GRID2: variants seen among roughly 807,000 people sequenced by gnomAD.
GRID2 encodes glutamate ionotropic receptor delta type subunit 2.
Under a neutral mutation model 114.8 loss-of-function variants are expected in GRID2, and 33 were observed. The observed-to-expected ratio is 0.29, with a 90% CI of 0.22 to 0.38. GRID2 has a LOEUF of 0.38. GRID2 is among the 10% of genes least tolerant of loss of function. GRID2 has a pLI of 1.00. For missense variants in GRID2, 1,184 were observed against 1,257.7 expected (o/e 0.94, Z 0.89); for synonymous variants, 505 against 449.9 (o/e 1.12, Z -1.55).
At chr4:93,572,146 A>G (rs1245423873) in intron 13 of GRID2, among the ~76,000 whole-genome samples, 1 of 152,134 alleles carries the variant, frequency 6.6e-6, no homozygotes, top group African/African-American at 2.4e-5. Context: ...TTCAGAACTT[A>G]TTCATGTGTC....
chr4:93,207,236 G>T (rs905657944), intron 4 of GRID2, among the ~76,000 whole-genome samples, 168 bp from the exon 5 acceptor site: 8 of 152,138 alleles, frequency 5.3e-5, no homozygotes, highest in Middle Eastern at 3.4e-3. Context: ...TATGTCAAAT[G>T]CAAATGCATC....
chr4:92,644,050 A>G (rs187966345), intron 2 of GRID2, among the ~76,000 whole-genome samples: 1 of 151,900 alleles, frequency 6.6e-6, no homozygotes, highest in Admixed American at 6.6e-5. Context: ...AGAGACAAAA[A>G]TCTACAACTA....
At chr4:92,892,298 T>A (rs1028114554) in intron 2 of GRID2, among the ~76,000 whole-genome samples, 1 of 152,016 alleles carries the variant, frequency 6.6e-6, no homozygotes. Flanking sequence ...TAAACTATTC[T>A]GTTAAAAAAA....
At chr4:93,280,573 CT>C (rs1752545964) in intron 8 of GRID2, among the ~76,000 whole-genome samples, 1 of 151,838 alleles carries the variant, frequency 6.6e-6, no homozygotes, top group East Asian at 1.9e-4. Flanking sequence ...TTTCATAAAT[CT>C]TGGTTTATTA....
chr4:93,657,402 T>C (rs1384129134), intron 14 of GRID2, among the ~76,000 whole-genome samples: 1 of 152,200 alleles, frequency 6.6e-6, no homozygotes, highest in East Asian at 1.9e-4. Context: ...ACCACTGTTA[T>C]AGAGCTTCGG....
intron 2 of GRID2, among the ~76,000 whole-genome samples, chr4:92,858,837 G>A (rs754702342): frequency 2.6e-5 from 4 of 152,140 alleles, no homozygotes; most frequent in Non-Finnish European, 5.9e-5. Context: ...GATTACAGGC[G>A]TGAGCACTGT....
chr4:92,893,222 A>G (rs1420146643), intron 2 of GRID2, among the ~76,000 whole-genome samples: 1 of 152,150 alleles, frequency 6.6e-6, no homozygotes, highest in East Asian at 1.9e-4. Flanking sequence ...TTTATACCCC[A>G]TAGAGTTTAA....
intron 4 of GRID2, among the ~76,000 whole-genome samples, chr4:93,187,346 G>A (rs541580121): frequency 2.0e-5 from 3 of 151,028 alleles, no homozygotes; most frequent in South Asian, 2.1e-4. Flanking sequence ...GTGTGATCTC[G>A]GCTCTTAGCA....
chr4:92,656,644 G>T (rs1299617213), intron 2 of GRID2, among the ~76,000 whole-genome samples: 1 of 151,654 alleles, frequency 6.6e-6, no homozygotes, highest in Admixed American at 6.6e-5. Context: ...TACCACATAT[G>T]ACTCTAAACC....
In GRID2 at chr4:93,445,570, C is replaced by T. The variant is rs1722019333; in HGVS notation, c.1546-10092C>T. Among the ~76,000 whole-genome samples, 3 of 151,828 alleles carry T rather than the reference C, an allele frequency of 2.0e-5. No homozygotes were observed. In the South Asian group the frequency reaches 6.2e-4, roughly 32 times the overall value. On this transcript the variant is annotated intron_variant, in intron 10 of 15. Transcript: ENST00000282020. ...TTTTATGTTTTGTTTTTATATTGGC[C>T]CAACTTCCATGTTCAGCTAAATACA... is the stretch of plus-strand genomic sequence containing the variant.
chr4:93,427,387 A>T lies in GRID2; in HGVS notation c.1545+4419A>T, dbSNP rs1378276213. On this transcript the variant is annotated intron_variant, in intron 10 of 15. Transcript: ENST00000282020. ...TACATACTTTTGTGAATCTAAGTAT[A>T]TTTTAAATAAATGTTGCCACTAAAT... Among the ~76,000 whole-genome samples, 4 of 152,020 alleles carry T rather than the reference A, an allele frequency of 2.6e-5. No individual in the cohort carries two copies. The East Asian group carries it at 7.7e-4, about 29-fold the overall frequency.
In GRID2 at chr4:93,224,758, T is replaced by A; in HGVS notation, c.1108T>A (p.Leu370Met). 6.2e-7 allele frequency: 1 copy of A among 1,611,414 alleles called. No individual in the cohort carries two copies. Among genetic ancestry groups the A allele is most frequent in the Non-Finnish European group, 8.5e-7 (1 of 1,178,040 alleles). Residue 370 changes from leucine to methionine, a missense_variant, in exon 7 of 16, where the codon TTG becomes ATG. By Grantham distance (15) the Leu-to-Met change is conservative. Around this residue, in one of 3 missense-constraint regions of GRID2, gnomAD observed 717 missense variants for 796.9 expected, o/e 0.90. Coordinates refer to ENST00000282020, the MANE Select transcript of GRID2 (RefSeq NM_001510.4). ...SKPWQGGRSM[L>M]ETIKKGGVSG... ...GCCCTGGCAGGGTGGGCGCTCCATG[T>A]TGGAGACCATCAAGAAGGTAACTTC...
At position 93,354,671 on chromosome 4, in the gene GRID2, CGTGTGTGTGTGTGTGTGTGTGTGTGTGT is replaced by C. The variant is rs35452796; in HGVS notation, c.1246-40919_1246-40892del. 8.1e-3 allele frequency among the ~76,000 whole-genome samples: 1,052 copies of C among 130,282 alleles called. 13 individuals carry two copies. Among genetic ancestry groups the C allele is most frequent in the African/African-American group, 0.029 (1,006 of 35,058 alleles). The allele number at this position is 130,282 out of a possible 152,430, so 85.5% of individuals were successfully genotyped here. ...ATTTACTCCCCTGGGGTGGCTCATC[CGTGTGTGTGTGTGTGTGTGTGTGTGTGT>C]GTGTGTGTGTGTGTGTAATCTTTAT... On this transcript the variant is annotated intron_variant, in intron 8 of 15. Transcript: ENST00000282020.
chr4:93,193,259 G>A (rs1214765370), intron 4 of GRID2, among the ~76,000 whole-genome samples: 1 of 152,086 alleles, frequency 6.6e-6, no homozygotes, highest in African/African-American at 2.4e-5. Context: ...AGGAGACCGA[G>A]GGATCATTAT....
chr4:93,075,853 A>T (rs1356027772), intron 2 of GRID2, among the ~76,000 whole-genome samples: 1 of 145,724 alleles, frequency 6.9e-6, no homozygotes, highest in Non-Finnish European at 1.5e-5. Context: ...TGGAATACTC[A>T]GTAAGTATTG....
chr4:92,544,405 C>T (rs1429984940), intron 1 of GRID2, among the ~76,000 whole-genome samples: 2 of 152,096 alleles, frequency 1.3e-5, no homozygotes, highest in African/African-American at 2.4e-5. Flanking sequence ...CAATTTGATT[C>T]TGTTGAGGTG....
chr4:92,316,564 A>G, intron 1 of GRID2, among the ~76,000 whole-genome samples: 1 of 152,176 alleles, frequency 6.6e-6, no homozygotes, highest in East Asian at 1.9e-4. Flanking sequence ...TTGTGTGGTT[A>G]TAAGAATACA....
chr4:93,271,344 CG>C (rs1751438283), intron 8 of GRID2, among the ~76,000 whole-genome samples: 1 of 152,076 alleles, frequency 6.6e-6, no homozygotes, highest in Non-Finnish European at 1.5e-5. Flanking sequence ...CTCCAGAGAA[CG>C]CATGAAAGTT....
intron 1 of GRID2, among the ~76,000 whole-genome samples, chr4:92,441,626 G>A (rs1250329727): frequency 6.6e-6 from 1 of 152,066 alleles, no homozygotes; most frequent in African/African-American, 2.4e-5. Flanking sequence ...TGTAAGGAGA[G>A]TTTATAGGCT....
Sources: gnomAD v4.1 joint callset for allele counts (sites outside exome capture counted in the v4.1 genomes callset) on GRCh38, gnomAD v4.1.1 for gene constraint, gnomAD v4.1.1 regional missense constraint, MANE v1.5 for transcripts, NCBI Gene and HGNC (gene_info 2026-07-23, HGNC 2026-07-21) for gene names.